The following SV2B variants were observed in gnomAD, a reference collection of about 807,000 sequenced individuals.
SV2B encodes the protein synaptic vesicle glycoprotein 2B.
A neutral mutation model predicts 73.9 loss-of-function variants in SV2B; 41 were observed. The observed-to-expected ratio is 0.56, with a 90% CI of 0.43 to 0.72. The LOEUF (loss-of-function observed/expected upper bound fraction) is 0.72, where lower values mean the gene tolerates loss of function less well. SV2B is among the 30% of genes least tolerant of loss of function. The pLI, the probability that SV2B is intolerant of heterozygous loss-of-function variation, is 0.00. For missense variants in SV2B, 764 were observed against 857.8 expected, an observed-to-expected ratio of 0.89 and a Z score of 1.37; for synonymous variants, 314 against 314.2, an observed-to-expected ratio of 1.00 and a Z score of 0.01.
chr15:91,252,016 G>A lies in SV2B; in HGVS notation c.632+17G>A. The A allele has an allele frequency of 2.5e-6, 4 of 1,612,882 alleles. No individual in the cohort carries two copies. The highest frequency in any genetic ancestry group is 2.5e-6 in the Non-Finnish European group (3 of 1,179,392). ...AGGCATCGGGTATGTTCTTAGGGAG[G>A]TGGAGCTGGACCATCCCAGACCAAT... On this transcript the variant is annotated intron_variant, in intron 3 of 12. Coordinates refer to ENST00000394232, the MANE Select transcript of SV2B (RefSeq NM_001323032.3). This position sits in a 1 kb window ranked among gnomAD's most constrained non-coding sequence, Gnocchi z 4.6.
At position 91,214,028 on chromosome 15, in the gene SV2B, T is replaced by C. The variant is rs2045949324; in HGVS notation, c.-391-11845T>C. On this transcript the variant is annotated intron_variant, in intron 1 of 12. Coordinates refer to ENST00000394232, the MANE Select transcript of SV2B (RefSeq NM_001323032.3). This position sits in a 1 kb window ranked among gnomAD's most constrained non-coding sequence, Gnocchi z 4.7. ...TATGTTCAAACACCTTTTGAAGTCA[T>C]GTCAGATACCATCAAAGGTAGCATC... Among the ~76,000 whole-genome samples the C allele has an allele frequency of 6.6e-6, 1 of 152,228 alleles. No individual in the cohort carries two copies. The highest frequency in any genetic ancestry group is 2.4e-5 in the African/African-American group (1 of 41,460).
At chr15:91,206,782 A>G (rs1008252784) in intron 1 of SV2B, among the ~76,000 whole-genome samples, 9 of 152,182 alleles carry the variant, frequency 5.9e-5, no homozygotes, top group Non-Finnish European at 1.3e-4. Context: ...ATTATATTAT[A>G]TGACATAAAA....
In SV2B at chr15:91,106,024, T is replaced by C. The variant is rs2041873008; in HGVS notation, c.-392+5661T>C. 6.6e-6 allele frequency among the ~76,000 whole-genome samples: 1 copy of C among 152,110 alleles called. No homozygotes were observed. Among genetic ancestry groups the C allele is most frequent in the Non-Finnish European group, 1.5e-5 (1 of 68,040 alleles). On this transcript the variant is annotated intron_variant, in intron 1 of 12. Transcript: ENST00000394232. This position sits in a 1 kb window ranked among gnomAD's most constrained non-coding sequence, Gnocchi z 4.4. The stretch of plus-strand genomic sequence containing the variant: ...ACGATAATGCCATTGTACTCCAGCC[T>C]GGACAATGGATTGAGATCATGTCAA...
intron 2 of SV2B, among the ~76,000 whole-genome samples, chr15:91,246,939 C>G (rs77341228): frequency 2.0e-5 from 3 of 152,210 alleles, no homozygotes; most frequent in Non-Finnish European, 4.4e-5. Flanking sequence ...TTTTTGATAA[C>G]TCCACTGCAC....
In SV2B at chr15:91,129,642, G is replaced by A. The variant is rs2042584724; in HGVS notation, c.-392+29279G>A. 6.6e-6 allele frequency among the ~76,000 whole-genome samples: 1 copy of A among 152,218 alleles called. No homozygotes were observed. The highest frequency in any genetic ancestry group is 2.1e-4 in the South Asian group (1 of 4,834). Reference sequence around the variant, plus strand: ...CAGATGGCTTTAGGGGCCATGCAGAGGGCAGTGGTAGGTATGAGGGAGCCA... The same window carrying A: ...CAGATGGCTTTAGGGGCCATGCAGAAGGCAGTGGTAGGTATGAGGGAGCCA... On this transcript the variant is annotated intron_variant, in intron 1 of 12. Coordinates refer to ENST00000394232, the MANE Select transcript of SV2B (RefSeq NM_001323032.3). This position sits in a 1 kb window ranked among gnomAD's most constrained non-coding sequence, Gnocchi z 5.1.
chr15:91,237,607 A>G (rs2046838101), intron 2 of SV2B, among the ~76,000 whole-genome samples: 1 of 151,886 alleles, frequency 6.6e-6, no homozygotes, highest in Admixed American at 6.5e-5. Context: ...TTGTACAGCC[A>G]GAGTAGAGAA....
intron 11 of SV2B, among the ~76,000 whole-genome samples, chr15:91,287,910 G>T (rs971564100): frequency 2.0e-5 from 3 of 152,214 alleles, no homozygotes; most frequent in African/African-American, 7.2e-5. Flanking sequence ...CTCCATGGGG[G>T]CTGGAGCCGT....
chr15:91,198,651 T>C (rs2045347567), intron 1 of SV2B, among the ~76,000 whole-genome samples: 2 of 152,232 alleles, frequency 1.3e-5, no homozygotes, highest in Admixed American at 1.3e-4. Flanking sequence ...TTTGGATAAC[T>C]GGGCCCAGGC....
chr15:91,292,238 G>C (rs1382764538), intron 12 of SV2B, 131 bp from the exon 13 acceptor site: 4 of 788,740 alleles, frequency 5.1e-6, no homozygotes, highest in African/African-American at 1.8e-5. Flanking sequence ...ATGAGAATGT[G>C]TTATTTTTAT....
rs1282247511 is a variant in SV2B, at chr15:91,293,992, A to G, written c.*1440A>G. On this transcript the variant is annotated 3_prime_UTR_variant, in exon 13 of 13. Transcript: ENST00000394232. The stretch of plus-strand genomic sequence containing the variant: ...CTTGACTGCATGGAAGAGGAAAAAC[A>G]TCAGAACTGTCTGACAATGGAGGGG... The G allele has an allele frequency of 6.6e-6, 1 of 152,268 alleles. No individual in the cohort carries two copies. The highest frequency in any genetic ancestry group is 1.5e-5 in the Non-Finnish European group (1 of 68,058). 9.4% of individuals were successfully genotyped at this position (152,268 alleles called of 1,614,324 possible).
chr15:91,176,305 G>A (rs1427003076), intron 1 of SV2B, among the ~76,000 whole-genome samples: 1 of 151,978 alleles, frequency 6.6e-6, no homozygotes, highest in Non-Finnish European at 1.5e-5. Context: ...GGACATTTGG[G>A]TTGGTTCCAA....
intron 2 of SV2B, among the ~76,000 whole-genome samples, chr15:91,249,963 C>A (rs2047418349): frequency 1.3e-5 from 2 of 152,194 alleles, no homozygotes; most frequent in South Asian, 4.1e-4. Context: ...CAACCTTTCT[C>A]AAACTCTTCC....
At chr15:91,194,059 G>A (rs16945301) in intron 1 of SV2B, among the ~76,000 whole-genome samples, 4,927 of 151,954 alleles carry the variant, frequency 0.032, 258 homozygotes, top group African/African-American at 0.11. Context: ...GGGATGATGG[G>A]TTCGATGGTC....
rs566766359 is a variant in SV2B, at chr15:91,104,464, A to G, written c.-392+4101A>G. 4.6e-5 allele frequency among the ~76,000 whole-genome samples: 7 copies of G among 152,342 alleles called. No homozygotes were observed. In the East Asian group the frequency reaches 1.2e-3, roughly 25 times the overall value. On this transcript the variant is annotated intron_variant, in intron 1 of 12. Coordinates refer to ENST00000394232, the MANE Select transcript of SV2B (RefSeq NM_001323032.3). Reference sequence around the variant, plus strand: ...TCCGTCACTTTATCTTTGTCTAATGACAAAATTAAGGCACAAGATAGCCCA... The same window carrying G: ...TCCGTCACTTTATCTTTGTCTAATGGCAAAATTAAGGCACAAGATAGCCCA...
intron 2 of SV2B, among the ~76,000 whole-genome samples, chr15:91,226,916 T>G (rs1390293805): frequency 2.0e-5 from 3 of 152,222 alleles, no homozygotes; most frequent in Non-Finnish European, 4.4e-5. Context: ...TATTGAGGTC[T>G]ATCTGACTTC....
rs892510281 is a variant in SV2B at position 91,265,049 on chromosome 15, A to G, written c.1009-1533A>G. On this transcript the variant is annotated intron_variant, in intron 6 of 12. Transcript: ENST00000394232. The surrounding 1 kb of genome is among the most constrained non-coding windows in gnomAD (Gnocchi z 4.2). ...AAAAGAGAGACAACCAGAAAGTGGT[A>G]ACTGACCTTAGAGAGCCAGCCTGTG... is the stretch of plus-strand genomic sequence containing the variant. Among the ~76,000 whole-genome samples the G allele has an allele frequency of 2.0e-5, 3 of 152,218 alleles. No individual in the cohort carries two copies. The highest frequency in any genetic ancestry group is 4.4e-5 in the Non-Finnish European group (3 of 68,034).
Position 91,295,292 on chromosome 15 carries a change from CCTAT to C in SV2B, c.*2743_*2746del, listed in dbSNP as rs1188835250. Reference sequence around the variant, plus strand: ...AAAAATAATTAGTGAAAGAGGTGTGCCTATCTGTGAAGTTTGTAGTACATCATCC... The same window carrying C: ...AAAAATAATTAGTGAAAGAGGTGTGCCTGTGAAGTTTGTAGTACATCATCC... On this transcript the variant is annotated 3_prime_UTR_variant, in exon 13 of 13. Transcript: ENST00000394232. 1 of 152,088 alleles carries C rather than the reference CCTAT, an allele frequency of 6.6e-6. No homozygotes were observed. The highest frequency in any genetic ancestry group is 1.5e-5 in the Non-Finnish European group (1 of 68,026). The allele number at this position is 152,088 out of a possible 1,614,324, so 9.4% of individuals were successfully genotyped here.
At chr15:91,216,808 A>G (rs1312428015) in intron 1 of SV2B, among the ~76,000 whole-genome samples, 1 of 149,868 alleles carries the variant, frequency 6.7e-6, no homozygotes, top group Non-Finnish European at 1.5e-5. Flanking sequence ...GCATTAAACC[A>G]GTTCATCTAT....
intron 1 of SV2B, among the ~76,000 whole-genome samples, chr15:91,189,295 C>T (rs1165985312): frequency 6.6e-6 from 1 of 152,150 alleles, no homozygotes; most frequent in East Asian, 1.9e-4. Context: ...TCCCCATTTA[C>T]CTCCTTTCGT....
Sources: allele counts gnomAD v4.1 joint callset (sites outside exome capture counted in the v4.1 genomes callset), GRCh38; gene constraint gnomAD v4.1.1; non-coding constraint Gnocchi (gnomAD v3.1); transcripts MANE v1.5; gene names NCBI Gene and HGNC (gene_info 2026-07-23, HGNC 2026-07-21).